PRKAG2: variants seen among roughly 807,000 people sequenced by gnomAD.
PRKAG2 encodes 5'-AMP-activated protein kinase subunit gamma-2.
A neutral mutation model predicts 69.6 loss-of-function variants in PRKAG2; 26 were observed. The observed-to-expected ratio is 0.37, with a 90% CI of 0.27 to 0.52. The LOEUF (loss-of-function observed/expected upper bound fraction) is 0.52, where lower values mean the gene tolerates loss of function less well. Ranked by LOEUF, PRKAG2 falls within the 20% of genes least tolerant of loss-of-function variation. The pLI is 0.90. For synonymous variants in PRKAG2, 293 were observed against 285.0 expected (o/e 1.03, Z -0.28); for missense variants, 557 against 740.0 (o/e 0.75, Z 2.87).
At chr7:151,560,245 G>T (rs193039685) in intron 15 of PRKAG2, 2 of 1,313,370 alleles carry the variant, frequency 1.5e-6, no homozygotes, top group South Asian at 3.0e-5. Context: ...CAGTGGAAAA[G>T]GTTATGATGA....
Position 151,699,406 on chromosome 7 carries a change from C to T in PRKAG2, c.467-23769G>A, listed in dbSNP as rs1026038400. Among the ~76,000 whole-genome samples the T allele has an allele frequency of 4.6e-5, 7 of 152,128 alleles. No homozygotes were observed. The highest frequency in any genetic ancestry group is 7.3e-5 in the Non-Finnish European group (5 of 68,038). On this transcript the variant is annotated intron_variant, in intron 3 of 15. Transcript: ENST00000287878. This position sits in a 1 kb window ranked among gnomAD's most constrained non-coding sequence, Gnocchi z 4.5. ...TCTCAGCCCCCTGCTGAGAAAGAGGCGCTAAGGTGGCCCTGGAGCCGTGAA... is the reference window on the plus strand; with the variant it reads ...TCTCAGCCCCCTGCTGAGAAAGAGGTGCTAAGGTGGCCCTGGAGCCGTGAA...
intron 1 of PRKAG2, among the ~76,000 whole-genome samples, chr7:151,840,806 G>T (rs1287114027): frequency 1.3e-5 from 2 of 152,214 alleles, no homozygotes; most frequent in African/African-American, 4.8e-5. Flanking sequence ...CGAGTCTCAG[G>T]CTCCTCATTC....
At chr7:151,832,090 G>A (rs74497710) in intron 1 of PRKAG2, among the ~76,000 whole-genome samples, 4,136 of 152,242 alleles carry the variant, frequency 0.027, 61 homozygotes, top group Non-Finnish European at 0.032. Context: ...GCCACCAGAT[G>A]CCTGGAACCC....
chr7:151,585,057 C>A (rs145341308), intron 6 of PRKAG2, among the ~76,000 whole-genome samples: 2 of 151,918 alleles, frequency 1.3e-5, no homozygotes, highest in South Asian at 2.1e-4. Context: ...AGGTAGAAAG[C>A]GAGAGCCACA....
rs181840965 is a variant in PRKAG2 at position 151,570,142 on chromosome 7, G to A, written c.1106+29C>T. On this transcript the variant is annotated intron_variant, in intron 10 of 15. Coordinates refer to ENST00000287878, the MANE Select transcript of PRKAG2 (RefSeq NM_016203.4). The stretch of plus-strand genomic sequence containing the variant: ...ATAAAACACATACATCTGAATGAAT[G>A]TTTTCAAAGAAAAAAAAAACAAGTT... 7.8e-4 allele frequency: 1,243 copies of A among 1,585,066 alleles called. 3 individuals carry two copies. Among genetic ancestry groups the A allele is most frequent in the Non-Finnish European group, 9.3e-4 (1,078 of 1,163,376 alleles).
intron 5 of PRKAG2, among the ~76,000 whole-genome samples, chr7:151,612,022 A>ACGACACAGTGAGACTCCGT (rs1330976930): frequency 2.6e-4 from 40 of 152,126 alleles, no homozygotes; most frequent in Non-Finnish European, 4.0e-4. Context: ...TCCAGCCTGG[A>ACGACACAGTGAGACTCCGT]CGACACAGTG....
At chr7:151,670,079 C>T (rs1831752886) in intron 4 of PRKAG2, among the ~76,000 whole-genome samples, 1 of 145,290 alleles carries the variant, frequency 6.9e-6, no homozygotes, top group African/African-American at 2.6e-5. Flanking sequence ...CACTCACCTG[C>T]ATGCACACAT....
chr7:151,666,720 G>A (rs1004575046), intron 4 of PRKAG2, among the ~76,000 whole-genome samples: 1 of 152,164 alleles, frequency 6.6e-6, no homozygotes, highest in South Asian at 2.1e-4. Flanking sequence ...GCAAGGGGCC[G>A]TAGTTCCTCC....
At chr7:151,871,852 G>C (rs2080226294) in intron 1 of PRKAG2, among the ~76,000 whole-genome samples, 1 of 152,172 alleles carries the variant, frequency 6.6e-6, no homozygotes, top group East Asian at 1.9e-4. Flanking sequence ...TGGGCTGGAG[G>C]CTGAGGTCCC....
At chr7:151,868,902 T>C (rs1437303337) in intron 1 of PRKAG2, among the ~76,000 whole-genome samples, 3 of 152,218 alleles carry the variant, frequency 2.0e-5, no homozygotes, top group African/African-American at 7.2e-5. Context: ...CACATGTATT[T>C]GCCTGAAGGT....
At chr7:151,760,078 CT>C (rs1052304559) in intron 3 of PRKAG2, among the ~76,000 whole-genome samples, 3 of 152,062 alleles carry the variant, frequency 2.0e-5, no homozygotes, top group African/African-American at 7.2e-5. Flanking sequence ...TTAGCCTTTT[CT>C]TTTTTTAAAA....
intron 3 of PRKAG2, among the ~76,000 whole-genome samples, chr7:151,694,527 T>C (rs559006938): frequency 2.5e-4 from 38 of 152,302 alleles, no homozygotes; most frequent in African/African-American, 8.9e-4. Flanking sequence ...AGGGACCTCA[T>C]ATGAGTAAAA....
chr7:151,587,922 A>T (rs1812081473), intron 6 of PRKAG2, among the ~76,000 whole-genome samples: 1 of 152,216 alleles, frequency 6.6e-6, no homozygotes, highest in African/African-American at 2.4e-5. Flanking sequence ...ACACTAACGC[A>T]AGATGTCAAA....
chr7:151,577,478 A>T (rs988975581), intron 6 of PRKAG2, among the ~76,000 whole-genome samples: 5 of 152,230 alleles, frequency 3.3e-5, no homozygotes, highest in Admixed American at 3.3e-4. Context: ...TCATTTGTAG[A>T]TGCTAAATAA....
intron 1 of PRKAG2, among the ~76,000 whole-genome samples, chr7:151,862,614 T>C (rs540777533): frequency 6.4e-4 from 98 of 152,344 alleles, no homozygotes; most frequent in African/African-American, 2.3e-3. Flanking sequence ...TGACAAAGTG[T>C]AGACGCATGC....
intron 1 of PRKAG2, among the ~76,000 whole-genome samples, chr7:151,823,219 T>C (rs894219780): frequency 6.7e-6 from 1 of 150,094 alleles, no homozygotes; most frequent in Admixed American, 6.7e-5. Context: ...TCCAGTTTTG[T>C]TGGCTACAGG....
chr7:151,655,075 T>A (rs1182529442), intron 4 of PRKAG2, among the ~76,000 whole-genome samples: 2 of 152,194 alleles, frequency 1.3e-5, no homozygotes, highest in Non-Finnish European at 2.9e-5. Flanking sequence ...ATGACAAGTA[T>A]TACTCGGGAA....
chr7:151,718,945 G>T (rs1392503421), intron 3 of PRKAG2, among the ~76,000 whole-genome samples: 3 of 152,124 alleles, frequency 2.0e-5, no homozygotes, highest in African/African-American at 7.2e-5. Flanking sequence ...CTGTGTTCCT[G>T]AGGGTGCCAG....
At chr7:151,858,182 G>A (rs1279605658) in intron 1 of PRKAG2, among the ~76,000 whole-genome samples, 3 of 152,150 alleles carry the variant, frequency 2.0e-5, no homozygotes. Flanking sequence ...GTGGGCTGAG[G>A]CCCTAGCTGA....
Sources: gnomAD v4.1 joint callset for allele counts (sites outside exome capture counted in the v4.1 genomes callset) on GRCh38, gnomAD v4.1.1 for gene constraint, Gnocchi (gnomAD v3.1) non-coding constraint, MANE v1.5 for transcripts, NCBI Gene and HGNC (gene_info 2026-07-23, HGNC 2026-07-21) for gene names.